The following CHM variants were observed in gnomAD, a reference collection of about 807,000 sequenced individuals.
The protein encoded by CHM is CHM Rab escort protein, also known as rab proteins geranylgeranyltransferase component A 1.
CHM carries 10 observed loss-of-function variants against 49.0 expected under a neutral mutation model. The ratio of observed to expected loss-of-function variants is 0.20; its 90% confidence interval spans 0.13 to 0.35. The LOEUF is 0.35. CHM is among the 10% of genes least tolerant of loss of function. The pLI is 1.00. For synonymous variants in CHM, 184 were observed against 167.5 expected, an observed-to-expected ratio of 1.10 and a Z score of -0.76; for missense variants, 455 against 478.4, an observed-to-expected ratio of 0.95 and a Z score of 0.46.
chrX:85,955,861 A>G (rs777263882), intron 8 of CHM, among the ~76,000 whole-genome samples: 27 of 112,081 alleles, frequency 2.4e-4, no homozygotes, highest in African/African-American at 8.7e-4. Context: ...ATAACATACT[A>G]TATAGTAATA....
intron 2 of CHM, among the ~76,000 whole-genome samples, chrX:86,018,380 A>G (rs954047707): frequency 1.8e-5 from 2 of 112,515 alleles, no homozygotes; most frequent in African/African-American, 6.5e-5. Context: ...AAAGGTGACA[A>G]CATCAAATTC....
At chrX:85,997,439 T>G (rs1239549918) in intron 2 of CHM, among the ~76,000 whole-genome samples, 1 of 111,756 alleles carries the variant, frequency 8.9e-6, no homozygotes, top group Admixed American at 9.5e-5. Flanking sequence ...TTTCTATATT[T>G]CTTGAGAAGT....
chrX:85,893,535 C>T (rs945849762), intron 12 of CHM, among the ~76,000 whole-genome samples: 4 of 111,643 alleles, frequency 3.6e-5, no homozygotes, highest in African/African-American at 1.3e-4. Flanking sequence ...AAAGTATTAC[C>T]TCTTAATACC....
Position 85,998,943 on chromosome X carries a change from G to A in CHM, c.117-17134C>T, listed in dbSNP as rs772198634. 2.0e-3 allele frequency among the ~76,000 whole-genome samples: 219 copies of A among 110,956 alleles called. 1 individual carries two copies. The highest frequency in any genetic ancestry group is 4.7e-3 in the Middle Eastern group (1 of 213). On this transcript the variant is annotated intron_variant, in intron 2 of 14. Transcript: ENST00000357749. Reference sequence around the variant, plus strand: ...TAATATATAGATATATACGTTGCTTGAATTCTTATGACAAGCATATGTATA... The same window carrying A: ...TAATATATAGATATATACGTTGCTTAAATTCTTATGACAAGCATATGTATA...
chrX:86,021,718 A>G (rs1194634215), intron 2 of CHM, among the ~76,000 whole-genome samples: 1 of 112,019 alleles, frequency 8.9e-6, no homozygotes, highest in East Asian at 2.8e-4. Context: ...ACATTTGCAC[A>G]GCCATGTTCA....
rs149049941 is a variant in CHM at position 86,043,214 on chromosome X, G to A, written c.49+4270C>T. 5.7e-3 allele frequency among the ~76,000 whole-genome samples: 629 copies of A among 111,062 alleles called. 5 individuals are homozygous for A. The highest frequency in any genetic ancestry group is 0.019 in the African/African-American group (592 of 30,492). On this transcript the variant is annotated intron_variant, in intron 1 of 14. Coordinates refer to ENST00000357749, the MANE Select transcript of CHM (RefSeq NM_000390.4). ...ACAGATGAACTAAATGATGTCACAAGAAATTCTGTAATTTTCCCAAAATCA... is the reference window on the plus strand; with the variant it reads ...ACAGATGAACTAAATGATGTCACAAAAAATTCTGTAATTTTCCCAAAATCA...
At chrX:85,996,030 T>C (rs1347670617) in intron 2 of CHM, among the ~76,000 whole-genome samples, 1 of 112,177 alleles carries the variant, frequency 8.9e-6, no homozygotes, top group Non-Finnish European at 1.9e-5. Flanking sequence ...CCCTTTATGG[T>C]AGTCTTGAAT....
At chrX:85,903,614 C>G (rs1419694173) in intron 9 of CHM, 9 of 384,191 alleles carry the variant, frequency 2.3e-5, no homozygotes, top group Non-Finnish European at 4.7e-5. Context: ...AACGGTGATT[C>G]TCAGAGCAGG....
intron 9 of CHM, among the ~76,000 whole-genome samples, chrX:85,910,487 T>C (rs62608234): frequency 0.17 from 18,932 of 111,187 alleles, 1,534 homozygotes; most frequent in Middle Eastern, 0.26. Context: ...AGTTTCAGTG[T>C]AGAAGGCAGA....
At chrX:85,923,316 T>C (rs1927903641) in intron 8 of CHM, among the ~76,000 whole-genome samples, 1 of 112,516 alleles carries the variant, frequency 8.9e-6, no homozygotes, top group South Asian at 3.7e-4. Flanking sequence ...ATCAACGCTT[T>C]TGTTAGCTAT....
At chrX:85,909,946 TC>T (rs1199816735) in intron 9 of CHM, among the ~76,000 whole-genome samples, 2 of 111,878 alleles carry the variant, frequency 1.8e-5, no homozygotes, top group Non-Finnish European at 3.8e-5. Flanking sequence ...TTCCTTAACT[TC>T]AACAGAGTTC....
intron 9 of CHM, 85 bp downstream of exon 9, chrX:85,911,152 TATATATATATGTATATATATATGA>T (rs1926937786): frequency 2.3e-4 from 1 of 4,314 alleles, no homozygotes; most frequent in Non-Finnish European, 3.4e-4. Context: ...TATATATATA[TATATATATATGTATATATATATGA>T]ATATATATAT....
intron 4 of CHM, among the ~76,000 whole-genome samples, chrX:85,977,920 C>G (rs1931368015): frequency 8.9e-6 from 1 of 111,964 alleles, no homozygotes; most frequent in African/African-American, 3.2e-5. Context: ...AAACTTTTCA[C>G]AGGCTCATGC....
At chrX:86,002,024 A>G (rs1167245109) in intron 2 of CHM, among the ~76,000 whole-genome samples, 2 of 111,444 alleles carry the variant, frequency 1.8e-5, no homozygotes, top group African/African-American at 6.5e-5. Context: ...ACAGGTGGAT[A>G]TAGACATATG....
intron 1 of CHM, among the ~76,000 whole-genome samples, chrX:86,032,797 A>T (rs961010491): frequency 1.8e-5 from 2 of 111,724 alleles, no homozygotes; most frequent in Non-Finnish European, 3.8e-5. Context: ...TTACCATTTC[A>T]TAACAGTTGT....
chrX:85,901,703 T>A, intron 9 of CHM, among the ~76,000 whole-genome samples: 1 of 112,284 alleles, frequency 8.9e-6, no homozygotes, highest in South Asian at 3.6e-4. Flanking sequence ...ACGTGTTGGA[T>A]AATGTTTGAA....
At chrX:85,958,217 C>T (rs1241751983) in intron 6 of CHM, among the ~76,000 whole-genome samples, 1 of 112,128 alleles carries the variant, frequency 8.9e-6, no homozygotes, top group East Asian at 2.8e-4. Flanking sequence ...GCATGTCATC[C>T]TAACAGAGAA....
intron 13 of CHM, among the ~76,000 whole-genome samples, chrX:85,876,985 T>A (rs1924459300): frequency 9.0e-6 from 1 of 110,971 alleles, no homozygotes; most frequent in African/African-American, 3.3e-5. Flanking sequence ...ATATAAGAAT[T>A]ATTTAAAATT....
intron 2 of CHM, among the ~76,000 whole-genome samples, chrX:85,995,162 T>C (rs753356073): frequency 4.1e-4 from 43 of 105,693 alleles, no homozygotes; most frequent in Non-Finnish European, 6.9e-4. Flanking sequence ...AAAAATATAA[T>C]GACATTTGGT....
Sources: gnomAD v4.1 joint callset for allele counts (sites outside exome capture counted in the v4.1 genomes callset) on GRCh38, gnomAD v4.1.1 for gene constraint, MANE v1.5 for transcripts, NCBI Gene and HGNC (gene_info 2026-07-23, HGNC 2026-07-21) for gene names.